CTR9: variants seen among roughly 807,000 people sequenced by gnomAD.
CTR9 encodes the protein CTR9 component of Paf1/RNA polymerase II complex.
A neutral mutation model predicts 152.1 loss-of-function variants in CTR9; 41 were observed. The ratio of observed to expected loss-of-function variants is 0.27; its 90% CI spans 0.21 to 0.35. The LOEUF (loss-of-function observed/expected upper bound fraction) is 0.35, where lower values mean the gene tolerates loss of function less well. Ranked by LOEUF, CTR9 falls within the 10% of genes least tolerant of loss-of-function variation. CTR9 has a pLI of 1.00. For missense variants in CTR9, 917 were observed against 1,424.4 expected, an observed-to-expected ratio of 0.64 and a Z score of 5.73; for synonymous variants, 476 against 496.2, an observed-to-expected ratio of 0.96 and a Z score of 0.54.
rs184188981 is a variant in CTR9 at position 10,775,108 on chromosome 11, A to G, written c.2886-99A>G. The G allele has an allele frequency of 2.3e-5, 21 of 912,936 alleles. No homozygotes were observed. The East Asian group carries it at 5.1e-4, about 22-fold the overall frequency. The allele number at this position is 912,936 out of a possible 1,614,324, so 56.6% of individuals were successfully genotyped here. ...GTATGATTGAGGACAGCACCCATAT[A>G]GAAGAGGATTCAGAATGAATAATAA... is the stretch of plus-strand genomic sequence containing the variant. On this transcript the variant is annotated intron_variant, in intron 22 of 24. Transcript: ENST00000361367.
At chr11:10,758,227 C>A (rs563602869) in intron 5 of CTR9, among the ~76,000 whole-genome samples, 1 of 152,082 alleles carries the variant, frequency 6.6e-6, no homozygotes, top group Non-Finnish European at 1.5e-5. Flanking sequence ...AGCAGAGTGA[C>A]GTGATCTGAC....
At chr11:10,769,928 C>G (rs1171262882) in intron 16 of CTR9, among the ~76,000 whole-genome samples, 1 of 152,156 alleles carries the variant, frequency 6.6e-6, no homozygotes, top group East Asian at 1.9e-4. Flanking sequence ...ATGAAAAAGG[C>G]TTTCCAGTCT....
chr11:10,752,149 T>C (rs917541875), intron 1 of CTR9, among the ~76,000 whole-genome samples: 2 of 152,216 alleles, frequency 1.3e-5, no homozygotes, highest in African/African-American at 4.8e-5. Flanking sequence ...GTTTTTAGTG[T>C]ATTCGCAAAG....
chr11:10,774,305 C>T (rs1564972468), intron 22 of CTR9, 136 bp downstream of exon 22: 2 of 1,072,512 alleles, frequency 1.9e-6, no homozygotes, highest in East Asian at 5.1e-5. Context: ...CCACTTCCTA[C>T]TTTAATCCTA....
At chr11:10,778,583 A>G in intron 24 of CTR9, 96 bp from the exon 25 acceptor site, 2 of 1,140,296 alleles carry the variant, frequency 1.8e-6, no homozygotes, top group Admixed American at 2.6e-5. Context: ...GAAATAGAAT[A>G]TTAAATGCCC....
At position 10,764,677 on chromosome 11, in the gene CTR9, G is replaced by C; in HGVS notation, c.1543G>C (p.Glu515Gln). 3.1e-6 allele frequency: 5 copies of C among 1,612,510 alleles called. No homozygotes were observed. The highest frequency in any genetic ancestry group is 3.4e-6 in the Non-Finnish European group (4 of 1,178,702). ...RLYEAMCEFH[E>Q]AEKLYKNILR... ...ATATGAGGCGATGTGTGAATTCCATGAAGCAGAAAAACTGTATAAAAACAT... is the reference window on the plus strand; with the variant it reads ...ATATGAGGCGATGTGTGAATTCCATCAAGCAGAAAAACTGTATAAAAACAT... The change falls in exon 12 of 25, where the codon GAA becomes CAA. Residue 515 changes from glutamate to glutamine, a missense_variant. By Grantham distance (29) the Glu-to-Gln change is conservative (BLOSUM62 2). This residue lies in a region of CTR9 where 133 missense variants were observed against 244.1 expected (regional missense o/e 0.54). Transcript: ENST00000361367.
chr11:10,756,746 C>A lies in CTR9; in HGVS notation c.503-3C>A, dbSNP rs765431702. 5 of 1,602,954 alleles carry A rather than the reference C, an allele frequency of 3.1e-6. No homozygotes were observed. In the Admixed American group the frequency reaches 8.7e-5, roughly 28 times the overall value. On this transcript the variant is annotated splice_region_variant and splice_polypyrimidine_tract_variant and intron_variant, in intron 4 of 24. Coordinates refer to ENST00000361367, the MANE Select transcript of CTR9 (RefSeq NM_014633.5). The stretch of plus-strand genomic sequence containing the variant: ...CTGTGTTTATTTTTAAAAATCATTA[C>A]AGGTAAAGCTTGCATTTCCTTCAAC...
At position 10,766,490 on chromosome 11, in the gene CTR9, G is replaced by C. The variant is rs143536933; in HGVS notation, c.1686G>C (p.Gln562His). The stretch of plus-strand genomic sequence containing the variant: ...TTAAGGAAGCTCTTCAGATTAATCA[G>C]GTTGGTAATATTAACTCTTAGGTTT... ...DWFKEALQIN[Q>H]DHPDAWSLIG... is the part of the protein sequence containing the mutation. Residue 562 changes from glutamine to histidine, a missense_variant and splice_region_variant, in exon 13 of 25, where the codon CAG (glutamine) becomes CAC (histidine). This residue lies in a region of CTR9 where 87 missense variants were observed against 235.7 expected (regional missense o/e 0.37). Transcript: ENST00000361367. 1 of 1,583,896 alleles carries C rather than the reference G, an allele frequency of 6.3e-7. No individual in the cohort carries two copies. The highest frequency in any genetic ancestry group is 8.6e-7 in the Non-Finnish European group (1 of 1,167,026).
At position 10,778,979 on chromosome 11, in the gene CTR9, C is replaced by T. The variant is rs1219515004; in HGVS notation, c.3396C>T (p.His1132=). 1.6e-5 allele frequency: 26 copies of T among 1,613,984 alleles called. No homozygotes were observed. The highest frequency in any genetic ancestry group is 5.3e-5 in the African/African-American group (4 of 74,894). The change falls in exon 25 of 25, where the codon CAC becomes CAT. Residue 1132 remains histidine, a synonymous_variant. Transcript: ENST00000361367. ...RPASPSAESD[H]ESERGSDNEG... ...CTTCTCCAAGTGCCGAATCAGATCA[C>T]GAATCGGAGAGAGGATCTGATAATG... is the stretch of plus-strand genomic sequence containing the variant.
chr11:10,758,404 G>C (rs574648278), intron 5 of CTR9, among the ~76,000 whole-genome samples: 6 of 152,152 alleles, frequency 3.9e-5, no homozygotes, highest in Non-Finnish European at 7.4e-5. Context: ...GTTGGTACAA[G>C]TGGTCAGATT....
At chr11:10,756,880 C>A in intron 5 of CTR9, 42 bp downstream of exon 5, 1 of 1,226,714 alleles carries the variant, frequency 8.2e-7, no homozygotes, top group Non-Finnish European at 1.2e-6. Context: ...TGTGTATTAC[C>A]CAGCTTAAAG....
At position 10,772,500 on chromosome 11, in the gene CTR9, C is replaced by G; in HGVS notation, c.2445-20C>G. 2.8e-6 allele frequency: 4 copies of G among 1,416,774 alleles called. No homozygotes were observed. Among genetic ancestry groups the G allele is most frequent in the Non-Finnish European group, 3.7e-6 (4 of 1,075,224 alleles). 87.8% of individuals were successfully genotyped at this position (1,416,774 alleles called of 1,614,324 possible). On this transcript the variant is annotated intron_variant, in intron 19 of 24. Transcript: ENST00000361367. ...ATATAGTAGTTACATTCATGTTTCT[C>G]TAAACCTGAAATGTTCTAGGCAGTG... is the stretch of plus-strand genomic sequence containing the variant.
Position 10,779,398 on chromosome 11 carries a change from G to A in CTR9, c.*293G>A. The A allele has an allele frequency of 3.4e-6, 1 of 291,748 alleles. No homozygotes were observed. The highest frequency in any genetic ancestry group is 5.6e-5 in the South Asian group (1 of 17,994). The allele number at this position is 291,748 out of a possible 1,614,324, so 18.1% of individuals were successfully genotyped here. Reference sequence around the variant, plus strand: ...AAATCATTCCTACAAAGGTTTGACTGAAACTGTGGCAGATGTCTCATCTTC... The same window carrying A: ...AAATCATTCCTACAAAGGTTTGACTAAAACTGTGGCAGATGTCTCATCTTC... On this transcript the variant is annotated 3_prime_UTR_variant, in exon 25 of 25. Transcript: ENST00000361367.
At position 10,764,201 on chromosome 11, in the gene CTR9, G is replaced by A; in HGVS notation, c.1284G>A (p.Gln428=). The change falls in exon 10 of 25, where the codon CAG becomes CAA. Residue 428 remains glutamine, a splice_region_variant and synonymous_variant. Transcript: ENST00000361367. ...AAATCTTAGAACAGACTGATATACA[G>A]GTATTTTAGTAATGTTTTTTAATCT... The part of the protein sequence containing the change: ...LAQILEQTDI[Q]GALSAYGTAT... The A allele has an allele frequency of 6.2e-7, 1 of 1,613,682 alleles. No individual in the cohort carries two copies. The highest frequency in any genetic ancestry group is 8.5e-7 in the Non-Finnish European group (1 of 1,179,634).
At chr11:10,768,255 C>T (rs535624938) in intron 15 of CTR9, 88 bp from the exon 16 acceptor site, 1 of 1,570,236 alleles carries the variant, frequency 6.4e-7, no homozygotes, top group South Asian at 1.1e-5. Context: ...AAAATGTGAT[C>T]AATGTAGTTG....
chr11:10,775,960 T>C (rs1863227618), intron 24 of CTR9, among the ~76,000 whole-genome samples: 1 of 152,250 alleles, frequency 6.6e-6, no homozygotes, highest in African/African-American at 2.4e-5. Flanking sequence ...ATTTCCTAGA[T>C]GACATCCTTC....
intron 18 of CTR9, 33 bp downstream of exon 18, chr11:10,770,665 C>A (rs1188263275): frequency 6.3e-7 from 1 of 1,589,156 alleles, no homozygotes; most frequent in Non-Finnish European, 8.5e-7. Flanking sequence ...CTATGAAATG[C>A]TTTATTTGGT....
At chr11:10,763,296 T>C (rs1461567288) in intron 7 of CTR9, 135 bp from the exon 8 acceptor site, 18 of 674,182 alleles carry the variant, frequency 2.7e-5, no homozygotes, top group Non-Finnish European at 3.9e-5. Flanking sequence ...ATAACTGTTA[T>C]AGCACTGAAA....
At chr11:10,756,001 C>T (rs941471698) in intron 4 of CTR9, among the ~76,000 whole-genome samples, 1 of 152,088 alleles carries the variant, frequency 6.6e-6, no homozygotes, top group African/African-American at 2.4e-5. Context: ...ATTATTTAGG[C>T]CAGGCATGGT....
Sources: gnomAD v4.1 joint callset for allele counts (sites outside exome capture counted in the v4.1 genomes callset) on GRCh38, gnomAD v4.1.1 for gene constraint, gnomAD v4.1.1 regional missense constraint, MANE v1.5 for transcripts, NCBI Gene and HGNC (gene_info 2026-07-23, HGNC 2026-07-21) for gene names.